The following TNRC6B variants were observed in gnomAD, a reference collection of about 807,000 sequenced individuals.
TNRC6B encodes the protein trinucleotide repeat containing adaptor 6B.
A neutral mutation model predicts 203.6 loss-of-function variants in TNRC6B; 52 were observed. The ratio of observed to expected loss-of-function variants is 0.26; its 90% CI spans 0.20 to 0.32. The LOEUF is 0.32. TNRC6B is among the 10% of genes least tolerant of loss of function. The pLI is 1.00. For missense variants in TNRC6B, 1,923 were observed against 2,286.2 expected (o/e 0.84, Z 3.24); for synonymous variants, 838 against 845.7 (o/e 0.99, Z 0.16).
At chr22:40,304,382 A>T (rs1293148977) in intron 15 of TNRC6B, among the ~76,000 whole-genome samples, 1 of 152,208 alleles carries the variant, frequency 6.6e-6, no homozygotes, top group Non-Finnish European at 1.5e-5. Flanking sequence ...GCACTTTGGG[A>T]GGCCAAGGTG....
rs369346824 is a variant in TNRC6B at position 40,313,017 on chromosome 22, G to C, written c.4678+20G>C. 6 of 1,599,012 alleles carry C rather than the reference G, an allele frequency of 3.8e-6. No homozygotes were observed. Among genetic ancestry groups the C allele is most frequent in the Non-Finnish European group, 5.1e-6 (6 of 1,168,776 alleles). The stretch of plus-strand genomic sequence containing the variant: ...CTTCAGGTATGAGTGTGAATTTTTT[G>C]TTTCCCTTTGGTTAGCACTTTTTCA... On this transcript the variant is annotated intron_variant, in intron 19 of 22. Transcript: ENST00000454349.
chr22:40,072,859 C>CT (rs1169528166), intron 1 of TNRC6B, among the ~76,000 whole-genome samples: 1 of 80,214 alleles, frequency 1.2e-5, no homozygotes, highest in Non-Finnish European at 2.2e-5. Flanking sequence ...GCGAGATTCT[C>CT]TCAAAAAAAA....
At chr22:40,117,386 T>G (rs2146317810) in intron 2 of TNRC6B, among the ~76,000 whole-genome samples, 1 of 152,324 alleles carries the variant, frequency 6.6e-6, no homozygotes, top group East Asian at 1.9e-4. Context: ...ATGTGAATTT[T>G]ATGTGAGTGT....
chr22:40,280,797 G>A (rs2070713007), intron 10 of TNRC6B, among the ~76,000 whole-genome samples: 1 of 152,164 alleles, frequency 6.6e-6, no homozygotes, highest in Non-Finnish European at 1.5e-5. Flanking sequence ...GATTGGCCTG[G>A]CTTCTGTTTC....
In TNRC6B at chr22:40,158,387, TAAAG is replaced by T. The variant is rs1029422121; in HGVS notation, c.113+2207_113+2210del. Among the ~76,000 whole-genome samples, 8 of 140,890 alleles carry T rather than the reference TAAAG, an allele frequency of 5.7e-5. No homozygotes were observed. In the East Asian group the frequency reaches 8.2e-4, roughly 14 times the overall value. The allele number at this position is 140,890 out of a possible 152,430, so 92.4% of individuals were successfully genotyped here. On this transcript the variant is annotated intron_variant, in intron 4 of 23. Transcript: ENST00000301923. ...ATAAATAAATAAATAAATAAATAAA[TAAAG>T]AGGGAGTTGAGGGAGACAATGAAAA...
intron 1 of TNRC6B, among the ~76,000 whole-genome samples, chr22:40,100,014 G>A (rs1275721246): frequency 6.6e-6 from 1 of 151,990 alleles, no homozygotes; most frequent in Non-Finnish European, 1.5e-5. Flanking sequence ...GCCTCCCAAA[G>A]TGCTGGGATT....
chr22:40,069,643 A>C (rs1417908581), intron 1 of TNRC6B, among the ~76,000 whole-genome samples: 1 of 151,620 alleles, frequency 6.6e-6, no homozygotes, highest in Non-Finnish European at 1.5e-5. Context: ...ATGTGCCACC[A>C]TGTCTGGCTA....
intron 1 of TNRC6B, among the ~76,000 whole-genome samples, chr22:40,238,446 G>T (rs1394395325): frequency 6.6e-6 from 1 of 152,104 alleles, no homozygotes; most frequent in African/African-American, 2.4e-5. Context: ...TTTAAAAAAT[G>T]CATTCCCTGT....
chr22:40,261,305 G>T (rs1314718490), intron 3 of TNRC6B, among the ~76,000 whole-genome samples: 1 of 151,994 alleles, frequency 6.6e-6, no homozygotes, highest in Non-Finnish European at 1.5e-5. Context: ...TAGGCTGGGT[G>T]CAGTGGCTCA....
At chr22:40,111,127 G>C (rs1180671089) in intron 1 of TNRC6B, among the ~76,000 whole-genome samples, 1 of 152,288 alleles carries the variant, frequency 6.6e-6, no homozygotes, top group East Asian at 1.9e-4. Flanking sequence ...CACAGAACAG[G>C]TTTCCCTAAG....
chr22:40,196,997 A>G (rs1463886021), intron 1 of TNRC6B, among the ~76,000 whole-genome samples: 2 of 152,092 alleles, frequency 1.3e-5, no homozygotes, highest in East Asian at 1.9e-4. Context: ...CCATGTACAC[A>G]TGAGGAGGTG....
At chr22:40,321,837 G>C (rs1450398353) in intron 22 of TNRC6B, 1 of 152,340 alleles carries the variant, frequency 6.6e-6, no homozygotes, top group East Asian at 1.9e-4. Flanking sequence ...TTTCATAATA[G>C]AATCTAGCTG....
intron 1 of TNRC6B, among the ~76,000 whole-genome samples, chr22:40,115,907 C>T (rs931810574): frequency 6.6e-6 from 1 of 152,128 alleles, no homozygotes; most frequent in African/African-American, 2.4e-5. Context: ...TGCTCTTCAG[C>T]AAGAAAGACT....
intron 8 of TNRC6B, 61 bp downstream of exon 8, chr22:40,277,212 C>A (rs898605973): frequency 3.2e-6 from 4 of 1,260,996 alleles, no homozygotes; most frequent in Non-Finnish European, 4.4e-6. Context: ...ATATTAATAC[C>A]AATTTTAAGA....
At chr22:40,066,535 A>G (rs1237973400) in intron 1 of TNRC6B, among the ~76,000 whole-genome samples, 1 of 152,098 alleles carries the variant, frequency 6.6e-6, no homozygotes, top group African/African-American at 2.4e-5. Context: ...CATCTGGGTA[A>G]TACTGTTTGA....
At chr22:40,183,852 A>T (rs2069168747) in intron 1 of TNRC6B, among the ~76,000 whole-genome samples, 1 of 151,838 alleles carries the variant, frequency 6.6e-6, no homozygotes, top group Non-Finnish European at 1.5e-5. Flanking sequence ...CTGCCACTAC[A>T]CCCAGCTAAT....
chr22:40,150,026 A>G (rs1428392463), intron 3 of TNRC6B, among the ~76,000 whole-genome samples: 4 of 95,848 alleles, frequency 4.2e-5, no homozygotes, highest in Admixed American at 3.9e-4. Flanking sequence ...GTGGGGTGGA[A>G]AAAGTAGAGT....
chr22:40,089,811 T>C, intron 1 of TNRC6B, among the ~76,000 whole-genome samples: 1 of 152,120 alleles, frequency 6.6e-6, no homozygotes, highest in Non-Finnish European at 1.5e-5. Context: ...TGCAAAGTGG[T>C]TTCAGTGCTC....
At position 40,301,089 on chromosome 22, in the gene TNRC6B, A is replaced by G. The variant is rs989114744; in HGVS notation, c.3937-61A>G. On this transcript the variant is annotated intron_variant, in intron 14 of 22. Coordinates refer to ENST00000454349, the MANE Select transcript of TNRC6B (RefSeq NM_001162501.2). ...CCTCTGATGGCAAAGAACCGGGCAC[A>G]GTCTTTTCCTGGGAAGTTCGGGGCC... 7 of 1,560,334 alleles carry G rather than the reference A, an allele frequency of 4.5e-6. No individual in the cohort carries two copies. The South Asian group carries it at 7.1e-5, about 16-fold the overall frequency.
Sources: gnomAD v4.1 joint callset for allele counts (sites outside exome capture counted in the v4.1 genomes callset) on GRCh38, gnomAD v4.1.1 for gene constraint, MANE v1.5 for transcripts, NCBI Gene and HGNC (gene_info 2026-07-23, HGNC 2026-07-21) for gene names.